The following NAV2 variants were observed in gnomAD, a reference collection of about 807,000 sequenced individuals.
NAV2 encodes neuron navigator 2.
NAV2 carries 54 observed loss-of-function variants against 223.2 expected under a neutral mutation model. The observed-to-expected ratio is 0.24, with a 90% confidence interval of 0.19 to 0.30. The LOEUF (loss-of-function observed/expected upper bound fraction) is 0.30, where lower values mean the gene tolerates loss of function less well. Among genes scored for constraint, NAV2 ranks in the 10% least tolerant of loss-of-function variants. The pLI is 1.00. For missense variants in NAV2, 2,806 were observed against 3,147.5 expected (o/e 0.89, Z 2.60); for synonymous variants, 1,279 against 1,239.3 (o/e 1.03, Z -0.67).
At chr11:19,762,263 A>G (rs1233524559) in intron 1 of NAV2, among the ~76,000 whole-genome samples, 1 of 151,590 alleles carries the variant, frequency 6.6e-6, no homozygotes, top group African/African-American at 2.4e-5. Flanking sequence ...AACAAAACAA[A>G]CCCTCAAATC....
chr11:19,794,692 GT>G (rs950382567), intron 1 of NAV2, among the ~76,000 whole-genome samples: 11 of 152,224 alleles, frequency 7.2e-5, no homozygotes, highest in African/African-American at 2.6e-4. Context: ...CTTGTGATGG[GT>G]TTAGGGGGAG....
intron 1 of NAV2, among the ~76,000 whole-genome samples, chr11:19,541,854 G>T (rs1197170712): frequency 6.6e-6 from 1 of 152,194 alleles, no homozygotes; most frequent in African/African-American, 2.4e-5. Flanking sequence ...TGACTAGGAA[G>T]ATGCCATTTT....
chr11:19,638,623 T>C (rs1460410247), intron 1 of NAV2, among the ~76,000 whole-genome samples: 2 of 152,230 alleles, frequency 1.3e-5, no homozygotes, highest in Non-Finnish European at 2.9e-5. Flanking sequence ...TTTTCTATTA[T>C]CATCTTCATT....
At chr11:20,043,790 T>A (rs185922626) in intron 12 of NAV2, 191 bp from the exon 13 acceptor site, 499 of 572,156 alleles carry the variant, frequency 8.7e-4, no homozygotes, top group Admixed American at 1.6e-3. Context: ...TTTACTTTTT[T>A]ATTTTTTTTT....
chr11:19,371,720 C>A (rs969746161), intron 1 of NAV2, among the ~76,000 whole-genome samples: 1 of 151,490 alleles, frequency 6.6e-6, no homozygotes, highest in Non-Finnish European at 1.5e-5. Flanking sequence ...GCCAGGCCAG[C>A]ATCTTGGAAT....
chr11:20,026,327 T>C (rs1385210601), intron 11 of NAV2, among the ~76,000 whole-genome samples: 1 of 152,084 alleles, frequency 6.6e-6, no homozygotes, highest in African/African-American at 2.4e-5. Context: ...TTTATTTTTT[T>C]TGAGACAGAG....
chr11:19,548,389 G>A (rs916112855), intron 1 of NAV2, among the ~76,000 whole-genome samples: 1 of 152,222 alleles, frequency 6.6e-6, no homozygotes. Flanking sequence ...ACCCTAGGAG[G>A]GCGAGCCTGT....
chr11:19,936,759 C>T (rs1255307632), intron 7 of NAV2, among the ~76,000 whole-genome samples: 1 of 152,192 alleles, frequency 6.6e-6, no homozygotes, highest in Admixed American at 6.5e-5. Context: ...CTTCATTCTT[C>T]CCACACCTCC....
chr11:19,988,264 C>T (rs2568136), intron 11 of NAV2, among the ~76,000 whole-genome samples: 142,195 of 152,220 alleles, frequency 0.93, 67,152 homozygotes, highest in East Asian at 1. Flanking sequence ...ATCACATAAA[C>T]GCCATTGAGA....
At chr11:19,902,604 A>G (rs560996498) in intron 6 of NAV2, among the ~76,000 whole-genome samples, 6 of 152,228 alleles carry the variant, frequency 3.9e-5, no homozygotes, top group African/African-American at 1.4e-4. Context: ...TCTTCAGATG[A>G]TAAATCTCAG....
At chr11:19,806,352 G>A (rs2058560600) in intron 1 of NAV2, among the ~76,000 whole-genome samples, 1 of 152,198 alleles carries the variant, frequency 6.6e-6, no homozygotes, top group Non-Finnish European at 1.5e-5. Flanking sequence ...GCAGTTCTGT[G>A]TAGGAAATTA....
upstream of NAV2, among the ~76,000 whole-genome samples, chr11:19,345,800 T>A (rs1219754790): frequency 6.6e-6 from 1 of 152,186 alleles, no homozygotes; most frequent in Non-Finnish European, 1.5e-5. This position sits in a 1 kb window ranked among gnomAD's most constrained non-coding sequence, Gnocchi z 5.2. Flanking sequence ...TGGGCGTACG[T>A]GCCTGAGGCT....
intron 5 of NAV2, among the ~76,000 whole-genome samples, chr11:19,887,607 A>G (rs2041124435): frequency 6.6e-6 from 1 of 152,162 alleles, no homozygotes; most frequent in African/African-American, 2.4e-5. Flanking sequence ...CTGACATATA[A>G]TCAGTTCAGA....
chr11:20,045,533 CTCA>C lies in NAV2; in HGVS notation c.3769_3771del (p.Ser1257del). 3.7e-6 allele frequency: 6 copies of C among 1,614,148 alleles called. No homozygotes were observed. Among genetic ancestry groups the C allele is most frequent in the Non-Finnish European group, 5.1e-6 (6 of 1,180,030 alleles). On this transcript the variant is annotated inframe_deletion, in exon 14 of 38. Transcript: ENST00000349880. The stretch of plus-strand genomic sequence containing the variant: ...ACCAAACAGACAAGGAGAAAGGCAT[CTCA>C]TCAGACAACGAGAGTGTGGCTTCCT...
intron 1 of NAV2, among the ~76,000 whole-genome samples, chr11:19,502,495 A>G (rs1564992074): frequency 6.6e-6 from 1 of 152,180 alleles, no homozygotes; most frequent in South Asian, 2.1e-4. Flanking sequence ...TGCAATTAAG[A>G]TGAAGCAGAA....
rs774582268 is a variant in NAV2 at position 20,107,656 on chromosome 11, G to T, written c.6842-8G>T. The T allele has an allele frequency of 6.2e-7, 1 of 1,610,282 alleles. No homozygotes were observed. The highest frequency in any genetic ancestry group is 8.5e-7 in the Non-Finnish European group (1 of 1,176,588). On this transcript the variant is annotated splice_region_variant and splice_polypyrimidine_tract_variant and intron_variant, in intron 35 of 37. Coordinates refer to ENST00000349880, the MANE Select transcript of NAV2 (RefSeq NM_145117.5). ...TGAGTGCTAATGTATTTTCACTGTG[G>T]TCTCCAGGCCCCCGGCTCTTCCTGT...
At chr11:19,563,537 CAGT>C (rs1264357695) in intron 1 of NAV2, among the ~76,000 whole-genome samples, 1 of 152,146 alleles carries the variant, frequency 6.6e-6, no homozygotes, top group East Asian at 1.9e-4. Context: ...TGGTGGGCTG[CAGT>C]AAATCTTGAA....
chr11:19,579,464 C>T (rs530242229), intron 1 of NAV2, among the ~76,000 whole-genome samples: 78 of 152,252 alleles, frequency 5.1e-4, no homozygotes, highest in African/African-American at 1.7e-3. Context: ...CCCTGACAGT[C>T]ATGGGTGGCA....
chr11:19,852,661 AC>A (rs1277313186), intron 3 of NAV2, among the ~76,000 whole-genome samples: 1 of 152,238 alleles, frequency 6.6e-6, no homozygotes, highest in Non-Finnish European at 1.5e-5. Context: ...TTAGGAATTT[AC>A]CATATTTTAT....
Sources: allele counts gnomAD v4.1 joint callset (sites outside exome capture counted in the v4.1 genomes callset), GRCh38; gene constraint gnomAD v4.1.1; non-coding constraint Gnocchi (gnomAD v3.1); transcripts MANE v1.5; gene names NCBI Gene and HGNC (gene_info 2026-07-23, HGNC 2026-07-21).